SH3RF2: variants seen among roughly 807,000 people sequenced by gnomAD.
The protein encoded by SH3RF2 is E3 ubiquitin-protein ligase SH3RF2.
SH3RF2 carries 43 observed loss-of-function variants against 59.0 expected under a neutral mutation model. The observed-to-expected ratio is 0.73, with a 90% confidence interval of 0.57 to 0.94. The LOEUF (loss-of-function observed/expected upper bound fraction) is 0.94. Among genes scored for constraint, SH3RF2 ranks in the 40% least tolerant of loss-of-function variants. The pLI, the probability that SH3RF2 is intolerant of heterozygous loss-of-function variation, is 0.00. For missense variants in SH3RF2, 930 were observed against 940.1 expected (o/e 0.99, Z 0.14); for synonymous variants, 391 against 391.5 (o/e 1.00, Z 0.01).
At chr5:146,019,838 G>T (rs75005497) in intron 5 of SH3RF2, among the ~76,000 whole-genome samples, 3,443 of 151,938 alleles carry the variant, frequency 0.023, 138 homozygotes, top group African/African-American at 0.08. Context: ...GTATATTTTT[G>T]TAAATATTTT....
chr5:145,949,447 G>C (rs1012937501), intron 2 of SH3RF2, among the ~76,000 whole-genome samples: 1 of 152,240 alleles, frequency 6.6e-6, no homozygotes, highest in Non-Finnish European at 1.5e-5. Flanking sequence ...GAGCTGCCTG[G>C]ATATGAGAAA....
At chr5:146,062,011 G>A (rs1253489695) in intron 9 of SH3RF2, among the ~76,000 whole-genome samples, 1 of 152,114 alleles carries the variant, frequency 6.6e-6, no homozygotes, top group Non-Finnish European at 1.5e-5. Flanking sequence ...GAGTCATCAG[G>A]AGAGTGGCCT....
intron 3 of SH3RF2, among the ~76,000 whole-genome samples, chr5:146,000,746 AAC>A (rs1192005655): frequency 3.3e-5 from 5 of 152,246 alleles, no homozygotes; most frequent in African/African-American, 1.2e-4. Context: ...CAGCTTGAAT[AAC>A]ACATTTGATT....
chr5:146,002,939 A>C (rs1187121714), intron 3 of SH3RF2, among the ~76,000 whole-genome samples: 2 of 152,212 alleles, frequency 1.3e-5, no homozygotes, highest in Non-Finnish European at 2.9e-5. Flanking sequence ...ATTGTCTTCC[A>C]CAAAACCAGT....
chr5:145,994,321 A>T (rs1760066103), intron 2 of SH3RF2, among the ~76,000 whole-genome samples: 1 of 151,784 alleles, frequency 6.6e-6, no homozygotes, highest in South Asian at 2.1e-4. Context: ...AATTTTTCCA[A>T]CCTCTGCCTG....
At chr5:146,035,926 C>T (rs548402593) in intron 5 of SH3RF2, among the ~76,000 whole-genome samples, 22 of 152,272 alleles carry the variant, frequency 1.4e-4, no homozygotes, top group Admixed American at 6.5e-5. Flanking sequence ...AGGCCTAGCA[C>T]GGTGCTTGGT....
chr5:145,967,641 G>A (rs573003877), intron 2 of SH3RF2, among the ~76,000 whole-genome samples: 1 of 152,148 alleles, frequency 6.6e-6, no homozygotes, highest in East Asian at 1.9e-4. Flanking sequence ...AATTTATGGT[G>A]AGTTATTTCT....
downstream of SH3RF2, among the ~76,000 whole-genome samples, chr5:146,065,961 A>G (rs1303953219): frequency 6.6e-6 from 1 of 152,208 alleles, no homozygotes; most frequent in Non-Finnish European, 1.5e-5. Flanking sequence ...CAGCCCCAAC[A>G]TGTTTTTAAT....
At chr5:145,953,119 C>G (rs867411007) in intron 2 of SH3RF2, among the ~76,000 whole-genome samples, 2 of 141,590 alleles carry the variant, frequency 1.4e-5, no homozygotes, top group African/African-American at 5.4e-5. Context: ...CTCTCTCTCT[C>G]TCTGTCACAC....
intron 2 of SH3RF2, among the ~76,000 whole-genome samples, chr5:145,963,976 G>C (rs1338119954): frequency 6.6e-6 from 1 of 151,780 alleles, no homozygotes; most frequent in Non-Finnish European, 1.5e-5. Flanking sequence ...GGGACTACAG[G>C]CGCCCGCCAC....
chr5:146,029,253 G>T (rs1305194090), intron 5 of SH3RF2, among the ~76,000 whole-genome samples: 1 of 152,180 alleles, frequency 6.6e-6, no homozygotes, highest in African/African-American at 2.4e-5. Flanking sequence ...GTGCATTTCA[G>T]AGTTTTTGTC....
intron 4 of SH3RF2, among the ~76,000 whole-genome samples, chr5:146,011,237 A>C (rs939133589): frequency 1.3e-5 from 2 of 152,110 alleles, no homozygotes; most frequent in Admixed American, 6.5e-5. Flanking sequence ...CCATTGGTCT[A>C]TATCTCTGTT....
At chr5:146,007,230 G>C (rs1366165974) in intron 4 of SH3RF2, among the ~76,000 whole-genome samples, 1 of 152,144 alleles carries the variant, frequency 6.6e-6, no homozygotes, top group Non-Finnish European at 1.5e-5. Context: ...GAAGAGGAGG[G>C]AGAAAAAAGC....
rs143570762 is a variant in SH3RF2, at chr5:145,994,484, A to T, written c.379-5574A>T. On this transcript the variant is annotated intron_variant, in intron 2 of 9. Transcript: ENST00000359120. ...GAAAAGGAGGTTTAATTGGACTTAC[A>T]GTTCCACATGGATGGGGAGGCCTCA... Among the ~76,000 whole-genome samples, 432 of 152,328 alleles carry T rather than the reference A, an allele frequency of 2.8e-3. 5 individuals are homozygous for T. The highest frequency in any genetic ancestry group is 0.01 in the African/African-American group (418 of 41,572).
intron 9 of SH3RF2, among the ~76,000 whole-genome samples, chr5:146,069,718 C>T (rs560024646): frequency 7.2e-5 from 11 of 152,090 alleles, no homozygotes; most frequent in African/African-American, 2.7e-4. Context: ...GGACTACAGG[C>T]GTGTGCCACC....
chr5:145,964,844 G>A (rs1758798494), intron 2 of SH3RF2, among the ~76,000 whole-genome samples: 1 of 152,040 alleles, frequency 6.6e-6, no homozygotes, highest in Non-Finnish European at 1.5e-5. Flanking sequence ...TAAATGAAGT[G>A]GCAAACTCAT....
rs145436624 is a variant in SH3RF2, at chr5:146,041,732, C to T, written c.1060-6040C>T. 1.9e-3 allele frequency among the ~76,000 whole-genome samples: 285 copies of T among 152,146 alleles called. 1 individual carries two copies. The highest frequency in any genetic ancestry group is 3.4e-3 in the Middle Eastern group (1 of 294). ...ATCACCTGGGCCCAGGAGTTGGAGA[C>T]CAGCCTGGGCAACGTGGTGGAACCC... is the stretch of plus-strand genomic sequence containing the variant. On this transcript the variant is annotated intron_variant, in intron 5 of 9. Transcript: ENST00000359120.
At chr5:145,959,488 C>T (rs907745003) in intron 2 of SH3RF2, among the ~76,000 whole-genome samples, 1 of 151,992 alleles carries the variant, frequency 6.6e-6, no homozygotes, top group Non-Finnish European at 1.5e-5. Flanking sequence ...AGATTCACCC[C>T]CCTCTGCCTT....
At chr5:146,074,583 AAAAAC>A (rs930094766) in intron 9 of SH3RF2, among the ~76,000 whole-genome samples, 7 of 152,062 alleles carry the variant, frequency 4.6e-5, no homozygotes, top group African/African-American at 1.2e-4. Context: ...CATCTAAAAA[AAAAAC>A]AAAACAAAAC....
Sources: allele counts gnomAD v4.1 joint callset (sites outside exome capture counted in the v4.1 genomes callset), GRCh38; gene constraint gnomAD v4.1.1; transcripts MANE v1.5; gene names NCBI Gene and HGNC (gene_info 2026-07-23, HGNC 2026-07-21).